KHDRBS2: variants seen among roughly 807,000 people sequenced by gnomAD.
The protein encoded by KHDRBS2 is KH RNA binding domain containing, signal transduction associated 2.
KHDRBS2 carries 26 observed loss-of-function variants against 44.3 expected under a neutral mutation model. The observed-to-expected ratio is 0.59, with a 90% confidence interval of 0.43 to 0.81. The LOEUF (loss-of-function observed/expected upper bound fraction) is 0.81. Among genes scored for constraint, KHDRBS2 ranks in the 40% least tolerant of loss-of-function variants. The probability of loss-of-function intolerance (pLI) is 0.00; values close to 1 mark genes in which losing one functional copy is unlikely to be tolerated. For synonymous variants in KHDRBS2, 194 were observed against 151.1 expected (o/e 1.28, Z -2.08); for missense variants, 476 against 433.1 (o/e 1.10, Z -0.88).
chr6:61,720,497 G>A lies in KHDRBS2; in HGVS notation c.893+12185C>T, dbSNP rs1772276597. On this transcript the variant is annotated intron_variant, in intron 7 of 8. Coordinates refer to ENST00000281156, the MANE Select transcript of KHDRBS2 (RefSeq NM_152688.4). ...AACTGGTGTGAGATGGTACCTCATT[G>A]TGGTTTTGATTTGCATTTCTCTGAT... Among the ~76,000 whole-genome samples the A allele has an allele frequency of 2.0e-5, 3 of 152,268 alleles. No individual in the cohort carries two copies. In the South Asian group the frequency reaches 6.2e-4, roughly 32 times the overall value.
intron 4 of KHDRBS2, among the ~76,000 whole-genome samples, chr6:61,905,681 A>G (rs1357958971): frequency 2.0e-5 from 3 of 152,250 alleles, no homozygotes; most frequent in Admixed American, 6.5e-5. Flanking sequence ...GCAAATTTAT[A>G]TCACAGAAAA....
At chr6:61,994,102 C>T (rs1468150285) in intron 3 of KHDRBS2, among the ~76,000 whole-genome samples, 1 of 152,100 alleles carries the variant, frequency 6.6e-6, no homozygotes, top group African/African-American at 2.4e-5. Flanking sequence ...GTTATTGGTA[C>T]ACAAGAAACT....
intron 6 of KHDRBS2, among the ~76,000 whole-genome samples, chr6:61,770,666 C>T (rs1234027841): frequency 6.6e-6 from 1 of 152,134 alleles, no homozygotes. Context: ...AACAAAGCCT[C>T]CAAGAAATAT....
At chr6:61,664,962 T>G in the KHDRBS2 span, among the ~76,000 whole-genome samples, 1 of 151,730 alleles carries the variant, frequency 6.6e-6, no homozygotes, top group East Asian at 2.0e-4. Context: ...ATATACCTAT[T>G]GGATATTAAC....
At chr6:61,651,923 T>A in the KHDRBS2 span, among the ~76,000 whole-genome samples, 4 of 152,150 alleles carry the variant, frequency 2.6e-5, no homozygotes, top group Non-Finnish European at 5.9e-5. Context: ...AGCTTTTTAA[T>A]TGTAATATTC....
chr6:62,198,554 G>A (rs1391620173), intron 1 of KHDRBS2, among the ~76,000 whole-genome samples: 1 of 152,100 alleles, frequency 6.6e-6, no homozygotes, highest in Non-Finnish European at 1.5e-5. Context: ...TGAATCTCTT[G>A]AATAGACCAA....
intron 4 of KHDRBS2, among the ~76,000 whole-genome samples, chr6:61,930,568 G>A (rs1173630429): frequency 3.5e-5 from 3 of 85,300 alleles, no homozygotes; most frequent in African/African-American, 1.4e-4. Context: ...AAAAAAAAAA[G>A]GCTAGTCTAG....
At chr6:62,163,118 A>T (rs1374413309) in intron 2 of KHDRBS2, among the ~76,000 whole-genome samples, 3 of 152,032 alleles carry the variant, frequency 2.0e-5, no homozygotes, top group African/African-American at 7.2e-5. Flanking sequence ...GAACTTAAAT[A>T]CTATTAAGTT....
At chr6:62,081,403 T>A (rs1429322711) in intron 2 of KHDRBS2, among the ~76,000 whole-genome samples, 2 of 152,146 alleles carry the variant, frequency 1.3e-5, no homozygotes, top group African/African-American at 4.8e-5. Flanking sequence ...TATTTTTCAA[T>A]GGGAAAATTA....
chr6:62,083,155 A>C (rs1215158133), intron 2 of KHDRBS2, among the ~76,000 whole-genome samples: 2 of 146,944 alleles, frequency 1.4e-5, no homozygotes, highest in African/African-American at 2.5e-5. Context: ...AGCCATAAAA[A>C]CCCCAGGCTT....
intron 6 of KHDRBS2, among the ~76,000 whole-genome samples, chr6:61,835,710 C>G (rs78977688): frequency 2.1e-5 from 3 of 145,570 alleles, no homozygotes; most frequent in African/African-American, 7.6e-5. Flanking sequence ...TTGATGTGTG[C>G]GTGTGTGTGT....
chr6:61,974,950 AAAT>A (rs1772237794), intron 4 of KHDRBS2, among the ~76,000 whole-genome samples: 2 of 148,238 alleles, frequency 1.3e-5, no homozygotes, highest in South Asian at 4.2e-4. Context: ...ATAAATAAAT[AAAT>A]AAATAAATAA....
the KHDRBS2 span, among the ~76,000 whole-genome samples, chr6:61,593,813 G>A: frequency 6.6e-6 from 1 of 152,178 alleles, no homozygotes; most frequent in South Asian, 2.1e-4. Flanking sequence ...TCCTGGGCCT[G>A]TCACATTCTT....
chr6:61,970,779 T>C (rs893708673), intron 4 of KHDRBS2, among the ~76,000 whole-genome samples: 2 of 152,156 alleles, frequency 1.3e-5, no homozygotes, highest in Non-Finnish European at 2.9e-5. Flanking sequence ...ACCAGTCTCA[T>C]TCTTCATGAC....
intron 6 of KHDRBS2, among the ~76,000 whole-genome samples, chr6:61,797,763 GTATGTA>G (rs1222518668): frequency 5.9e-5 from 8 of 136,460 alleles, no homozygotes; most frequent in African/African-American, 2.3e-4. Flanking sequence ...GTGTGTGTGT[GTATGTA>G]TATATATCGT....
At chr6:61,597,581 G>T in the KHDRBS2 span, among the ~76,000 whole-genome samples, 1 of 151,034 alleles carries the variant, frequency 6.6e-6, no homozygotes, top group African/African-American at 2.4e-5. Context: ...GTAGGGGTTT[G>T]CAGGGTAACT....
chr6:61,866,569 T>C (rs1797835374), intron 6 of KHDRBS2, among the ~76,000 whole-genome samples: 1 of 152,234 alleles, frequency 6.6e-6, no homozygotes, highest in East Asian at 1.9e-4. Flanking sequence ...TCACTACTTA[T>C]GTAAATTTCT....
intron 1 of KHDRBS2, among the ~76,000 whole-genome samples, chr6:62,245,222 T>A (rs746230406): frequency 2.0e-5 from 3 of 152,152 alleles, no homozygotes; most frequent in Non-Finnish European, 4.4e-5. Flanking sequence ...ATTCTCCCTG[T>A]TACTTTTCAA....
intron 4 of KHDRBS2, among the ~76,000 whole-genome samples, chr6:61,946,916 G>A (rs551002930): frequency 2.6e-5 from 4 of 152,270 alleles, no homozygotes; most frequent in South Asian, 2.1e-4. Flanking sequence ...AAATAAGGGC[G>A]TACAAGATTC....
Sources: allele counts gnomAD v4.1 joint callset (sites outside exome capture counted in the v4.1 genomes callset), GRCh38; gene constraint gnomAD v4.1.1; transcripts MANE v1.5; gene names NCBI Gene and HGNC (gene_info 2026-07-23, HGNC 2026-07-21).